The following RMDN3 variants were observed in gnomAD, a reference collection of about 807,000 sequenced individuals.
RMDN3 encodes regulator of microtubule dynamics 3.
RMDN3 carries 41 observed loss-of-function variants against 61.8 expected under a neutral mutation model. The observed-to-expected ratio is 0.66, with a 90% CI of 0.52 to 0.86. RMDN3 has a LOEUF of 0.86. RMDN3 is among the 40% of genes least tolerant of loss of function. RMDN3 has a pLI of 0.00. For missense variants in RMDN3, 557 were observed against 585.3 expected (o/e 0.95, Z 0.50); for synonymous variants, 247 against 232.0 (o/e 1.06, Z -0.59).
chr15:40,751,284 G>T (rs1430316324), intron 4 of RMDN3, 142 bp downstream of exon 4: 4 of 1,042,416 alleles, frequency 3.8e-6, no homozygotes, highest in Non-Finnish European at 5.6e-6. Context: ...TGGGTTTTTT[G>T]TTTCAACTCT....
chr15:40,751,518 A>G lies in RMDN3; in HGVS notation c.432T>C (p.Phe144=). The change falls in exon 4 of 13, where the codon TTT becomes TTC. Residue 144 remains phenylalanine, a synonymous_variant. Coordinates refer to ENST00000338376, the MANE Select transcript of RMDN3 (RefSeq NM_018145.3). ...QRVARRRRFP[F]VRERSDSTGS... is the part of the protein sequence containing the mutation. ...CAGTGGAGTCACTCCTCTCCCGGAC[A>G]AACGGAAACCTTCGCCGCCGAGCCA... 6.2e-7 allele frequency: 1 copy of G among 1,614,184 alleles called. No homozygotes were observed. Among genetic ancestry groups the G allele is most frequent in the Non-Finnish European group, 8.5e-7 (1 of 1,180,040 alleles).
In RMDN3 at chr15:40,736,594, C is replaced by T; in HGVS notation, c.1360G>A (p.Asp454Asn). The change falls in exon 13 of 13, where the codon GAT (aspartate) becomes AAT (asparagine). Residue 454 changes from aspartate to asparagine, a missense_variant and splice_region_variant. Physicochemically the swap from Asp to Asn is conservative, Grantham distance 23 (BLOSUM62 1). Transcript: ENST00000338376. ...TCCAGGTCCTTCTGGATAGCCAAAT[C>T]CTAGGGAGACAAAGAACAAATCTAG... Reference protein sequence around the residue: ...ALELPDVTKEDLAIQKDLEEL... With the variant: ...ALELPDVTKENLAIQKDLEEL... 6.2e-7 allele frequency: 1 copy of T among 1,613,848 alleles called. No homozygotes were observed. Among genetic ancestry groups the T allele is most frequent in the Non-Finnish European group, 8.5e-7 (1 of 1,179,818 alleles).
Position 40,752,035 on chromosome 15 carries a change from G to A in RMDN3, c.331C>T (p.Leu111=). The change falls in exon 3 of 13, where the codon CTG becomes TTG. Residue 111 remains leucine (L), a synonymous_variant. Transcript: ENST00000338376. The part of the protein sequence containing the change: ...LVALRREVEE[L]RSSLRGLAGE... ...GCAAGCCCTCGCAGGCTGCTTCTCA[G>A]CTCCTCCACCTCCCGCCGCAGCGCC... 5.6e-6 allele frequency: 9 copies of A among 1,614,214 alleles called. No individual in the cohort carries two copies. The highest frequency in any genetic ancestry group is 7.6e-6 in the Non-Finnish European group (9 of 1,180,016).
chr15:40,751,999 C>A lies in RMDN3; in HGVS notation c.367G>T (p.Val123Phe), dbSNP rs754348690. ...CGCATTACTCACCGGACCTCCCCAA[C>A]AATCTCCCCCGCAAGCCCTCGCAGG... ...SSLRGLAGEI[V>F]GEVRCHMEEN... Residue 123 changes from valine (V) to phenylalanine (F), a missense_variant, in exon 3 of 13, where the codon GTT becomes TTT. Physicochemically the swap from Val to Phe is conservative, Grantham distance 50 (BLOSUM62 -1). Transcript: ENST00000338376. The A allele has an allele frequency of 1.2e-6, 2 of 1,613,886 alleles. No individual in the cohort carries two copies. The highest frequency in any genetic ancestry group is 1.7e-6 in the Non-Finnish European group (2 of 1,179,860).
intron 6 of RMDN3, among the ~76,000 whole-genome samples, chr15:40,743,414 GT>G (rs200197164): frequency 0.018 from 1,627 of 88,688 alleles, 23 homozygotes; most frequent in South Asian, 0.05. Context: ...GAGAAAGACT[GT>G]TTAAAAAAAA....
At chr15:40,744,844 C>G in intron 5 of RMDN3, 133 bp downstream of exon 5, 3 of 983,472 alleles carry the variant, frequency 3.1e-6, no homozygotes, top group Non-Finnish European at 4.4e-6. Context: ...GCAAAACCAG[C>G]TGTCTCACCA....
At chr15:40,751,335 G>A in intron 4 of RMDN3, 91 bp downstream of exon 4, 1 of 1,487,146 alleles carries the variant, frequency 6.7e-7, no homozygotes, top group Non-Finnish European at 9.2e-7. Flanking sequence ...AAAATCATTT[G>A]CAGCAGCTTG....
chr15:40,744,064 T>C lies in RMDN3; in HGVS notation c.893A>G (p.Lys298Arg). ...CELTEEVSEK[K>R]SYALDGKEEA... ...GCACTTACCATCTAGGGCATATGACTTCTTCTCGCTCACCTCCTCAGTGAG... is the reference window on the plus strand; with the variant it reads ...GCACTTACCATCTAGGGCATATGACCTCTTCTCGCTCACCTCCTCAGTGAG... Residue 298 changes from lysine (K) to arginine (R), a missense_variant, in exon 6 of 13, where the codon AAG (lysine) becomes AGG (arginine). Coordinates refer to ENST00000338376, the MANE Select transcript of RMDN3 (RefSeq NM_018145.3). 6.2e-7 allele frequency: 1 copy of C among 1,613,056 alleles called. No individual in the cohort carries two copies. Among genetic ancestry groups the C allele is most frequent in the Non-Finnish European group, 8.5e-7 (1 of 1,179,800 alleles).
chr15:40,738,540 C>A lies in RMDN3; in HGVS notation c.1008G>T (p.Glu336Asp), dbSNP rs1555430612. 1 of 1,614,132 alleles carries A rather than the reference C, an allele frequency of 6.2e-7. No homozygotes were observed. The highest frequency in any genetic ancestry group is 8.5e-7 in the Non-Finnish European group (1 of 1,180,024). The change falls in exon 8 of 13, where the codon GAG becomes GAT. Residue 336 changes from glutamate to aspartate, a missense_variant. Transcript: ENST00000338376. The part of the protein sequence containing the change: ...AVLCGQLAEH[E>D]SIQRRIQSGF... ...CACTCTGGATGCGCCTCTGGATGCT[C>A]TCATGCTCAGCCAGCTGACCACAAA...
chr15:40,741,529 A>T (rs577017341), intron 6 of RMDN3, among the ~76,000 whole-genome samples: 1 of 152,154 alleles, frequency 6.6e-6, no homozygotes, highest in African/African-American at 2.4e-5. Flanking sequence ...AGTTCTGACA[A>T]GCGTCACTTA....
intron 2 of RMDN3, 100 bp from the exon 3 acceptor site, chr15:40,752,278 G>A (rs946953091): frequency 2.9e-5 from 36 of 1,249,922 alleles, no homozygotes; most frequent in Non-Finnish European, 3.9e-5. Flanking sequence ...CATTGGAAGA[G>A]AAGGCCCAGT....
intron 4 of RMDN3, among the ~76,000 whole-genome samples, chr15:40,746,496 G>A (rs1258106067): frequency 7.0e-5 from 10 of 142,984 alleles, no homozygotes; most frequent in South Asian, 2.2e-4. Context: ...CACCCTGGGC[G>A]ACAGAGCAAG....
chr15:40,747,278 G>C (rs1271134956), intron 4 of RMDN3, among the ~76,000 whole-genome samples: 1 of 152,186 alleles, frequency 6.6e-6, no homozygotes, highest in Non-Finnish European at 1.5e-5. Context: ...GACCTGAGCT[G>C]CGATGCTGCC....
rs199724125 is a variant in RMDN3 at position 40,736,489 on chromosome 15, GC to G, written c.*51del. 8.0e-4 allele frequency: 1,241 copies of G among 1,548,438 alleles called. No individual in the cohort carries two copies. The highest frequency in any genetic ancestry group is 1.4e-3 in the East Asian group (63 of 44,516). ...AAGGTCTAAGGAAAAAAGCCTCCCCGCCCCCCCACCTTAAATAGTGGCATCA... is the reference window on the plus strand; with the variant it reads ...AAGGTCTAAGGAAAAAAGCCTCCCCGCCCCCCACCTTAAATAGTGGCATCA... On this transcript the variant is annotated 3_prime_UTR_variant, in exon 13 of 13. Coordinates refer to ENST00000338376, the MANE Select transcript of RMDN3 (RefSeq NM_018145.3).
At position 40,751,428 on chromosome 15, in the gene RMDN3, C is replaced by G. The variant is rs143740239; in HGVS notation, c.522G>C (p.Gly174=). 4.1e-5 allele frequency: 66 copies of G among 1,614,152 alleles called. No homozygotes were observed. The African/African-American group carries it at 7.7e-4, about 19-fold the overall frequency. The stretch of plus-strand genomic sequence containing the variant: ...TGCCTCCAAGAGAGACAACTCACCC[C>G]CCTTCACTCTCAGCATCTGTGAACG... ...GATFTDAESE[G]GYTTANAESD... The change falls in exon 4 of 13, where the codon GGG becomes GGC. Residue 174 remains glycine (G), a splice_region_variant and synonymous_variant. Coordinates refer to ENST00000338376, the MANE Select transcript of RMDN3 (RefSeq NM_018145.3).
chr15:40,745,085 T>C lies in RMDN3; in HGVS notation c.699A>G (p.Ser233=), dbSNP rs2141913624. The C allele has an allele frequency of 3.1e-6, 5 of 1,614,114 alleles. No individual in the cohort carries two copies. The East Asian group carries it at 8.9e-5, about 29-fold the overall frequency. ...GGAGGGGCAGCACATCCTCCAAGCC[T>C]GAGGAACCTCCAGCCTCCAGGGCAC... ...ASSALEAGGS[S]GLEDVLPLLQ... The change falls in exon 5 of 13, where the codon TCA becomes TCG. Residue 233 remains serine (S), a synonymous_variant. Coordinates refer to ENST00000338376, the MANE Select transcript of RMDN3 (RefSeq NM_018145.3).
At chr15:40,749,404 C>A (rs1897717008) in intron 4 of RMDN3, among the ~76,000 whole-genome samples, 1 of 152,222 alleles carries the variant, frequency 6.6e-6, no homozygotes, top group East Asian at 1.9e-4. Context: ...GTAGTCCCAG[C>A]TATTCAGAAG....
rs10586666 is a variant in RMDN3 at position 40,750,210 on chromosome 15, G to GTT, written c.524+1214_524+1215dup. 4.9e-3 allele frequency among the ~76,000 whole-genome samples: 441 copies of GTT among 89,686 alleles called. 11 individuals carry two copies. Among genetic ancestry groups the GTT allele is most frequent in the African/African-American group, 0.015 (349 of 23,244 alleles). 58.8% of individuals were successfully genotyped at this position (89,686 alleles called of 152,430 possible). ...CGACCCATGCCACCATGCCCAGCTCGTTTTTTTTTTTTTTTTTTTTTTTCT... is the reference window on the plus strand; with the variant it reads ...CGACCCATGCCACCATGCCCAGCTCGTTTTTTTTTTTTTTTTTTTTTTTTTCT... On this transcript the variant is annotated intron_variant, in intron 4 of 12. Coordinates refer to ENST00000338376, the MANE Select transcript of RMDN3 (RefSeq NM_018145.3).
intron 10 of RMDN3, 118 bp downstream of exon 10, chr15:40,737,510 G>A: frequency 8.7e-7 from 1 of 1,152,018 alleles, no homozygotes; most frequent in Non-Finnish European, 1.3e-6. Flanking sequence ...CCATAGAACA[G>A]GCAAACACAA....
Sources: allele counts gnomAD v4.1 joint callset (sites outside exome capture counted in the v4.1 genomes callset), GRCh38; gene constraint gnomAD v4.1.1; transcripts MANE v1.5; gene names NCBI Gene and HGNC (gene_info 2026-07-23, HGNC 2026-07-21).